CDKAL1: variants seen among roughly 807,000 people sequenced by gnomAD.
CDKAL1 encodes the protein CDKAL1 threonylcarbamoyladenosine tRNA methylthiotransferase.
Under a neutral mutation model 68.2 loss-of-function variants are expected in CDKAL1, and 32 were observed. The observed-to-expected ratio is 0.47, with a 90% confidence interval of 0.35 to 0.63. CDKAL1 has a LOEUF of 0.63. CDKAL1 is among the 30% of genes least tolerant of loss of function. The pLI is 0.00. For missense variants in CDKAL1, 606 were observed against 696.7 expected (o/e 0.87, Z 1.47); for synonymous variants, 234 against 244.3 (o/e 0.96, Z 0.39).
At chr6:21,012,906 A>G (rs1481028605) in intron 11 of CDKAL1, among the ~76,000 whole-genome samples, 1 of 152,206 alleles carries the variant, frequency 6.6e-6, no homozygotes, top group African/African-American at 2.4e-5. Context: ...TGGCAGTCCA[A>G]GTCCCTCACA....
At chr6:20,542,198 G>A (rs1481821402) in intron 2 of CDKAL1, among the ~76,000 whole-genome samples, 1 of 152,182 alleles carries the variant, frequency 6.6e-6, no homozygotes, top group African/African-American at 2.4e-5. Flanking sequence ...TGATGTGAAT[G>A]GAAGGATGGG....
chr6:20,749,531 C>T (rs1168537320), intron 6 of CDKAL1, among the ~76,000 whole-genome samples: 12 of 151,764 alleles, frequency 7.9e-5, no homozygotes, highest in Non-Finnish European at 5.9e-5. Flanking sequence ...ACCACTAATC[C>T]CAGATTTTCT....
At chr6:20,629,905 G>A (rs1293819968) in intron 4 of CDKAL1, among the ~76,000 whole-genome samples, 2 of 152,022 alleles carry the variant, frequency 1.3e-5, no homozygotes, top group Admixed American at 1.3e-4. Context: ...CCAGGCTGGA[G>A]TGCAGCGGCA....
intron 4 of CDKAL1, among the ~76,000 whole-genome samples, chr6:20,563,495 T>A (rs1348695155): frequency 6.6e-6 from 1 of 152,272 alleles, no homozygotes; most frequent in African/African-American, 2.4e-5. Context: ...CAAGGGCTTT[T>A]AAAAATATTT....
chr6:20,600,789 C>CACATATATATATATATATATATATAT (rs1368188844), intron 4 of CDKAL1, among the ~76,000 whole-genome samples: 7,275 of 128,792 alleles, frequency 0.056, 274 homozygotes, highest in African/African-American at 0.07. Context: ...TATATATATA[C>CACATATATATATATATATATATATAT]ACACACACAC....
intron 4 of CDKAL1, among the ~76,000 whole-genome samples, chr6:20,572,244 A>G (rs1764733898): frequency 6.6e-6 from 1 of 152,172 alleles, no homozygotes; most frequent in Non-Finnish European, 1.5e-5. Flanking sequence ...TACACTTGTG[A>G]CAATTAGAGG....
chr6:21,029,894 G>A (rs1482825617), intron 11 of CDKAL1, among the ~76,000 whole-genome samples: 1 of 152,172 alleles, frequency 6.6e-6, no homozygotes, highest in East Asian at 1.9e-4. Context: ...ATAGAAGTTA[G>A]TTCAACCATT....
chr6:20,860,383 C>T (rs1759551623), intron 9 of CDKAL1, among the ~76,000 whole-genome samples: 1 of 152,168 alleles, frequency 6.6e-6, no homozygotes, highest in Non-Finnish European at 1.5e-5. Flanking sequence ...TCAGCCAAAG[C>T]ATTTATCATA....
In CDKAL1 at chr6:20,803,716, A is replaced by T. The variant is rs187545482; in HGVS notation, c.638+22451A>T. Among the ~76,000 whole-genome samples the T allele has an allele frequency of 2.3e-3, 348 of 152,242 alleles. 5 individuals are homozygous for T. Among genetic ancestry groups the T allele is most frequent in the African/African-American group, 7.1e-3 (294 of 41,550 alleles). On this transcript the variant is annotated intron_variant, in intron 8 of 15. Coordinates refer to ENST00000274695, the MANE Select transcript of CDKAL1 (RefSeq NM_017774.3). ...GTGGGAAGAGTAGAGATGGGGCTCT[A>T]GTTGGGGAGAATCAGGGGAGCTGAT... is the stretch of plus-strand genomic sequence containing the variant.
chr6:20,581,131 A>ATT (rs1765128369), intron 4 of CDKAL1, among the ~76,000 whole-genome samples: 2 of 152,290 alleles, frequency 1.3e-5, no homozygotes, highest in Admixed American at 1.3e-4. Flanking sequence ...AAGCCCCGAT[A>ATT]TTTTTGTAGC....
At chr6:20,892,704 T>A (rs1271417589) in intron 9 of CDKAL1, among the ~76,000 whole-genome samples, 3 of 152,180 alleles carry the variant, frequency 2.0e-5, no homozygotes, top group Admixed American at 6.5e-5. Flanking sequence ...TTAAAATTGA[T>A]TCTAAGGAGT....
intron 4 of CDKAL1, among the ~76,000 whole-genome samples, chr6:20,594,311 A>G (rs1218051583): frequency 6.6e-6 from 1 of 152,174 alleles, no homozygotes; most frequent in East Asian, 1.9e-4. Context: ...GTGAGAGTGT[A>G]AATCTCTTTA....
chr6:20,639,960 C>T (rs1249464650), intron 4 of CDKAL1, among the ~76,000 whole-genome samples: 1 of 152,248 alleles, frequency 6.6e-6, no homozygotes, highest in African/African-American at 2.4e-5. Context: ...CGAGCCACCG[C>T]GCCGACCATT....
chr6:21,065,653 T>G (rs1227051595), intron 12 of CDKAL1, among the ~76,000 whole-genome samples: 1 of 147,886 alleles, frequency 6.8e-6, no homozygotes, highest in African/African-American at 2.5e-5. Flanking sequence ...TTCTATTGGA[T>G]AGATTTGATA....
chr6:20,770,686 G>A (rs1219524309), intron 7 of CDKAL1, among the ~76,000 whole-genome samples: 3 of 152,028 alleles, frequency 2.0e-5, no homozygotes, highest in African/African-American at 7.3e-5. Flanking sequence ...TTTCATTTTT[G>A]AAGGCGTGGT....
intron 13 of CDKAL1, among the ~76,000 whole-genome samples, chr6:21,142,006 A>G (rs767575535): frequency 2.6e-5 from 4 of 152,160 alleles, no homozygotes; most frequent in South Asian, 2.1e-4. Flanking sequence ...TTATAAATCA[A>G]TTGGTTCCTG....
intron 9 of CDKAL1, among the ~76,000 whole-genome samples, chr6:20,863,339 C>T (rs1759744734): frequency 6.6e-6 from 1 of 152,196 alleles, no homozygotes; most frequent in Admixed American, 6.5e-5. Context: ...TTTCTTCATA[C>T]ATCATCAATA....
intron 9 of CDKAL1, among the ~76,000 whole-genome samples, chr6:20,933,040 T>C (rs1457016111): frequency 6.6e-6 from 1 of 152,306 alleles, no homozygotes; most frequent in East Asian, 1.9e-4. Flanking sequence ...AATCAAACCC[T>C]GGTTGGCAGA....
chr6:21,143,722 T>C (rs1157274407), intron 13 of CDKAL1, among the ~76,000 whole-genome samples: 1 of 152,208 alleles, frequency 6.6e-6, no homozygotes, highest in African/African-American at 2.4e-5. Flanking sequence ...CATAATTGTT[T>C]AATGCTGTTT....
Sources: gnomAD v4.1 joint callset for allele counts (sites outside exome capture counted in the v4.1 genomes callset) on GRCh38, gnomAD v4.1.1 for gene constraint, MANE v1.5 for transcripts, NCBI Gene and HGNC (gene_info 2026-07-23, HGNC 2026-07-21) for gene names.